Variants in UGP2 observed in about 807,000 individuals in gnomAD.
UGP2 encodes UDP-glucose pyrophosphorylase 2.
UGP2 carries 40 observed loss-of-function variants against 49.0 expected under a neutral mutation model. The observed-to-expected ratio is 0.82, with a 90% CI of 0.63 to 1.06. The LOEUF (loss-of-function observed/expected upper bound fraction) is 1.06, where lower values mean the gene tolerates loss of function less well. Among genes scored for constraint, UGP2 ranks in the 50% least tolerant of loss-of-function variants. UGP2 has a pLI of 0.00. For synonymous variants in UGP2, 225 were observed against 213.0 expected, an observed-to-expected ratio of 1.06 and a Z score of -0.49; for missense variants, 460 against 603.5, an observed-to-expected ratio of 0.76 and a Z score of 2.49.
rs1672130658 is a variant in UGP2, at chr2:63,891,203, A to G, written c.1503A>G (p.Gly501=). The part of the protein sequence containing the change: ...GAVLENKIVS[G]NLRILDH ...TATTAGAGAACAAGATTGTGTCTGG[A>G]AACCTTCGCATCTTGGACCACTGAA... The change falls in exon 10 of 10, where the codon GGA becomes GGG. Residue 501 remains glycine (G), a synonymous_variant. Transcript: ENST00000337130. The G allele has an allele frequency of 2.5e-6, 4 of 1,613,602 alleles. 1 individual carries two copies. The East Asian group carries it at 8.9e-5, about 36-fold the overall frequency.
chr2:63,844,473 T>C (rs1671794756), intron 1 of UGP2, among the ~76,000 whole-genome samples: 1 of 151,826 alleles, frequency 6.6e-6, no homozygotes, highest in Non-Finnish European at 1.5e-5. Flanking sequence ...TTTATAAGAG[T>C]CCTGAGATGT....
At chr2:63,873,377 A>G (rs1575836190) in intron 3 of UGP2, among the ~76,000 whole-genome samples, 1 of 152,210 alleles carries the variant, frequency 6.6e-6, no homozygotes, top group Non-Finnish European at 1.5e-5. Context: ...CTATTTGCAC[A>G]TTAATTTTCA....
chr2:63,877,160 A>C (rs1019695860), intron 3 of UGP2, among the ~76,000 whole-genome samples: 3 of 152,248 alleles, frequency 2.0e-5, no homozygotes, highest in Non-Finnish European at 2.9e-5. Context: ...TATCTGGTAG[A>C]TTGCTTTTGC....
intron 3 of UGP2, among the ~76,000 whole-genome samples, chr2:63,863,315 C>T (rs1230341892): frequency 6.6e-6 from 1 of 152,086 alleles, no homozygotes; most frequent in Non-Finnish European, 1.5e-5. Flanking sequence ...GGATCGTTTG[C>T]CATCTGTAAC....
chr2:63,858,580 C>T lies in UGP2; in HGVS notation c.255+644C>T, dbSNP rs6716474. On this transcript the variant is annotated intron_variant, in intron 3 of 9. Transcript: ENST00000337130. ...ACGTAATGTTCTCTCTGAGGAGCCT[C>T]TTATTTTTGATGTTAAAGCTAAAAT... Among the ~76,000 whole-genome samples, 384 of 151,770 alleles carry T rather than the reference C, an allele frequency of 2.5e-3. 2 individuals carry two copies. The highest frequency in any genetic ancestry group is 9.1e-3 in the African/African-American group (379 of 41,464).
At chr2:63,883,347 C>G (rs1035372047) in intron 4 of UGP2, 1 of 147,144 alleles carries the variant, frequency 6.8e-6, no homozygotes, top group Non-Finnish European at 1.5e-5. Flanking sequence ...GCCCAAGGTT[C>G]CCAAGATAGT....
At position 63,880,725 on chromosome 2, in the gene UGP2, G is replaced by T. The variant is rs76084943; in HGVS notation, c.256-1741G>T. Among the ~76,000 whole-genome samples the T allele has an allele frequency of 1.6e-3, 236 of 152,208 alleles. 5 individuals carry two copies. In the East Asian group the frequency reaches 0.041, roughly 27 times the overall value. Reference sequence around the variant, plus strand: ...GGGTGCTTTGTGTGTGTGTTGGGGGGTCAAGTTGTTATCACCCCTGCGTTG... The same window carrying T: ...GGGTGCTTTGTGTGTGTGTTGGGGGTTCAAGTTGTTATCACCCCTGCGTTG... On this transcript the variant is annotated intron_variant, in intron 3 of 9. Transcript: ENST00000337130.
chr2:63,881,648 C>T (rs1311681349), intron 3 of UGP2, among the ~76,000 whole-genome samples: 1 of 152,140 alleles, frequency 6.6e-6, no homozygotes, highest in African/African-American at 2.4e-5. Context: ...AGAATCTGGG[C>T]CTCTGCTGTA....
Position 63,861,687 on chromosome 2 carries a change from CA to C in UGP2, c.255+3767del, listed in dbSNP as rs34304544. Among the ~76,000 whole-genome samples, 92 of 91,596 alleles carry C rather than the reference CA, an allele frequency of 1.0e-3. 1 individual carries two copies. The highest frequency in any genetic ancestry group is 3.9e-3 in the East Asian group (9 of 2,296). The allele number at this position is 91,596 out of a possible 152,430, so 60.1% of individuals were successfully genotyped here. A position where few individuals can be genotyped will look rare whatever the true frequency, so the allele number is the denominator to read the frequency against. ...TGGGCAACAGAGTGAGATCCTGTCT[CA>C]AAAAAAAAAAAAAAACAAAAAAACG... On this transcript the variant is annotated intron_variant, in intron 3 of 9. Transcript: ENST00000337130.
At chr2:63,885,962 T>C in intron 6 of UGP2, 76 bp downstream of exon 6, 2 of 1,437,036 alleles carry the variant, frequency 1.4e-6, no homozygotes, top group Non-Finnish European at 1.8e-6. Context: ...GACTTTTTTA[T>C]TTGAAAGTTT....
chr2:63,874,914 A>G (rs1670815035), intron 3 of UGP2, among the ~76,000 whole-genome samples: 1 of 152,112 alleles, frequency 6.6e-6, no homozygotes, highest in Admixed American at 6.5e-5. Flanking sequence ...TGCTGACACC[A>G]TGCTTCTTTC....
At position 63,862,079 on chromosome 2, in the gene UGP2, C is replaced by T. The variant is rs1338731066; in HGVS notation, c.255+4143C>T. 4.6e-5 allele frequency among the ~76,000 whole-genome samples: 7 copies of T among 151,828 alleles called. 1 individual carries two copies. The East Asian group carries it at 1.3e-3, about 29-fold the overall frequency. ...ATCTTGAGGCAATCTGGCCAAGCAT[C>T]TGATATAGTATGCCATATAGGATGA... On this transcript the variant is annotated intron_variant, in intron 3 of 9. Transcript: ENST00000337130.
intron 3 of UGP2, among the ~76,000 whole-genome samples, chr2:63,861,459 A>G (rs953012744): frequency 6.6e-6 from 1 of 151,920 alleles, no homozygotes; most frequent in Admixed American, 6.6e-5. Flanking sequence ...TTTCATTTCT[A>G]TACAAAATAT....
chr2:63,890,869 CG>C (rs1191315332), intron 9 of UGP2, among the ~76,000 whole-genome samples: 2 of 152,112 alleles, frequency 1.3e-5, no homozygotes, highest in African/African-American at 4.8e-5. Flanking sequence ...GCTGTGGCAC[CG>C]GGTCCACTTC....
chr2:63,861,341 A>AGTAC (rs1234832826), intron 3 of UGP2, among the ~76,000 whole-genome samples: 1 of 152,054 alleles, frequency 6.6e-6, no homozygotes, highest in Non-Finnish European at 1.5e-5. Flanking sequence ...GTTACGAGGA[A>AGTAC]GTACGGGGCC....
chr2:63,851,324 ATATG>A (rs1377514015), intron 1 of UGP2, among the ~76,000 whole-genome samples: 4 of 152,186 alleles, frequency 2.6e-5, no homozygotes, highest in Admixed American at 6.5e-5. Context: ...CCTCAAGAGA[ATATG>A]TTCTAGGATT....
At chr2:63,867,372 G>C (rs6731508) in intron 3 of UGP2, among the ~76,000 whole-genome samples, 132,518 of 152,246 alleles carry the variant, frequency 0.87, 58,054 homozygotes, top group African/African-American at 0.97. Flanking sequence ...TGCTTTAAGT[G>C]TCGGTTTCCT....
At chr2:63,843,259 A>G (rs1671700497) in intron 1 of UGP2, among the ~76,000 whole-genome samples, 3 of 152,246 alleles carry the variant, frequency 2.0e-5, no homozygotes, top group Non-Finnish European at 4.4e-5. Flanking sequence ...GTTATTATCG[A>G]AACAGATCGA....
chr2:63,858,006 GGTAGT>G, intron 3 of UGP2, 70 bp downstream of exon 3: 1 of 1,370,616 alleles, frequency 7.3e-7, no homozygotes, highest in South Asian at 1.2e-5. Flanking sequence ...AGGACGGTTG[GGTAGT>G]GTAGGGGACC....
Sources: gnomAD v4.1 joint callset for allele counts (sites outside exome capture counted in the v4.1 genomes callset) on GRCh38, gnomAD v4.1.1 for gene constraint, MANE v1.5 for transcripts, NCBI Gene and HGNC (gene_info 2026-07-23, HGNC 2026-07-21) for gene names.